Variants in SLC4A8 observed in about 807,000 individuals in gnomAD.
SLC4A8 encodes solute carrier family 4 member 8.
In SLC4A8, 40 loss-of-function variants were observed where a neutral mutation model predicts 125.0. That is an observed-to-expected ratio of 0.32 (90% CI 0.25 to 0.42). SLC4A8 has a LOEUF of 0.42. SLC4A8 is among the 10% of genes least tolerant of loss of function. SLC4A8 has a pLI of 1.00. For synonymous variants in SLC4A8, 456 were observed against 476.0 expected (o/e 0.96, Z 0.55); for missense variants, 863 against 1,355.1 (o/e 0.64, Z 5.70).
At chr12:51,495,170 G>A (rs772243980) in intron 21 of SLC4A8, 52 bp downstream of exon 21, 15 of 1,446,000 alleles carry the variant, frequency 1.0e-5, no homozygotes, top group Admixed American at 1.9e-5. Context: ...ATTTTTTAGT[G>A]GTAAAATATT....
chr12:51,498,510 G>A (rs1053292932), intron 22 of SLC4A8, among the ~76,000 whole-genome samples: 2 of 151,828 alleles, frequency 1.3e-5, no homozygotes, highest in South Asian at 2.1e-4. Context: ...TTTACTTGTC[G>A]AATTGGCAAA....
At chr12:51,491,480 T>C (rs1951315597) in intron 19 of SLC4A8, among the ~76,000 whole-genome samples, 1 of 151,934 alleles carries the variant, frequency 6.6e-6, no homozygotes, top group Admixed American at 6.6e-5. Flanking sequence ...AAAGAGGGAT[T>C]GGGTAGACAC....
At chr12:51,429,401 C>G (rs999383741) in intron 1 of SLC4A8, among the ~76,000 whole-genome samples, 5 of 152,100 alleles carry the variant, frequency 3.3e-5, no homozygotes, top group African/African-American at 1.2e-4. Flanking sequence ...GAAGAGACTG[C>G]AATGAGGGAG....
At chr12:51,495,935 G>A (rs1951449233) in intron 21 of SLC4A8, among the ~76,000 whole-genome samples, 1 of 152,260 alleles carries the variant, frequency 6.6e-6, no homozygotes, top group South Asian at 2.1e-4. Context: ...TGATACTGTT[G>A]TAAATATGGG....
chr12:51,480,625 T>A, intron 16 of SLC4A8: 1 of 985,402 alleles, frequency 1.0e-6, no homozygotes, highest in Non-Finnish European at 1.2e-6. Context: ...TCAAAATTTG[T>A]ATTTTGTTCA....
intron 1 of SLC4A8, among the ~76,000 whole-genome samples, chr12:51,412,061 CA>C (rs1258770079): frequency 1.1e-4 from 17 of 151,640 alleles, no homozygotes; most frequent in Non-Finnish European, 2.2e-4. Flanking sequence ...GATCCTGTCT[CA>C]AAAAAAGAAA....
chr12:51,472,319 C>T (rs73097615), intron 14 of SLC4A8, among the ~76,000 whole-genome samples: 12,834 of 152,288 alleles, frequency 0.084, 775 homozygotes, highest in Middle Eastern at 0.13. Flanking sequence ...CAGTCTGAAA[C>T]TGTCTCAGAA....
At chr12:51,479,919 C>A in intron 16 of SLC4A8, 2 of 380,274 alleles carry the variant, frequency 5.3e-6, no homozygotes, top group Non-Finnish European at 1.0e-5. Flanking sequence ...TTTTTTCTGT[C>A]TCACGAAACA....
At chr12:51,419,563 A>T (rs1288684108) in intron 1 of SLC4A8, among the ~76,000 whole-genome samples, 1 of 152,174 alleles carries the variant, frequency 6.6e-6, no homozygotes, top group Non-Finnish European at 1.5e-5. Context: ...GCTGCTTTCA[A>T]ATTTCTGAAT....
intron 3 of SLC4A8, 24 bp from the exon 4 acceptor site, chr12:51,452,100 C>T (rs1173413307): frequency 2.5e-6 from 4 of 1,613,680 alleles, no homozygotes; most frequent in Non-Finnish European, 3.4e-6. Context: ...TAGAGCAGAC[C>T]TTTCTCTTTG....
At chr12:51,404,327 C>T (rs994038326) in intron 1 of SLC4A8, among the ~76,000 whole-genome samples, 1 of 152,148 alleles carries the variant, frequency 6.6e-6, no homozygotes, top group Non-Finnish European at 1.5e-5. Flanking sequence ...TACAAAGAAC[C>T]TGCTTTTTCC....
chr12:51,499,757 G>C (rs537393140), intron 22 of SLC4A8, among the ~76,000 whole-genome samples: 22 of 152,266 alleles, frequency 1.4e-4, no homozygotes, highest in African/African-American at 5.3e-4. Context: ...AGACATCTGA[G>C]TAGAGACCTG....
At chr12:51,476,067 A>T (rs545135946) in intron 16 of SLC4A8, among the ~76,000 whole-genome samples, 1 of 152,372 alleles carries the variant, frequency 6.6e-6, no homozygotes, top group African/African-American at 2.4e-5. Context: ...TTACCACAGT[A>T]TACCAAGCTA....
intron 1 of SLC4A8, among the ~76,000 whole-genome samples, chr12:51,407,481 C>T (rs1189556798): frequency 6.6e-6 from 1 of 151,456 alleles, no homozygotes; most frequent in Non-Finnish European, 1.5e-5. Flanking sequence ...GTTGCCAAGG[C>T]TGGTCTGAAA....
chr12:51,408,045 T>C (rs7297370), intron 1 of SLC4A8: 140,716 of 152,052 alleles, frequency 0.93, 65,173 homozygotes, highest in Non-Finnish European at 0.95. Context: ...ACATGTCTGC[T>C]TCCCTATAAG....
intron 5 of SLC4A8, among the ~76,000 whole-genome samples, chr12:51,454,037 C>A (rs1485633694): frequency 6.6e-6 from 1 of 152,198 alleles, no homozygotes; most frequent in Non-Finnish European, 1.5e-5. Flanking sequence ...TGGCTCACAC[C>A]TGTAATCCCA....
intron 1 of SLC4A8, among the ~76,000 whole-genome samples, chr12:51,393,875 C>T (rs1164236813): frequency 6.6e-6 from 1 of 152,226 alleles, no homozygotes; most frequent in African/African-American, 2.4e-5. Flanking sequence ...CTGATTCCAC[C>T]TCACTGCCCC....
At chr12:51,437,143 C>T (rs1949447537) in intron 1 of SLC4A8, among the ~76,000 whole-genome samples, 1 of 152,042 alleles carries the variant, frequency 6.6e-6, no homozygotes, top group Admixed American at 6.6e-5. Context: ...TATTTACTTC[C>T]CTAAAAGTTT....
intron 19 of SLC4A8, among the ~76,000 whole-genome samples, chr12:51,493,241 G>A (rs144664328): frequency 2.0e-5 from 3 of 152,056 alleles, no homozygotes; most frequent in African/African-American, 2.4e-5. Flanking sequence ...GATAAGATAC[G>A]TCCCCACTCT....
Sources: gnomAD v4.1 joint callset for allele counts (sites outside exome capture counted in the v4.1 genomes callset) on GRCh38, gnomAD v4.1.1 for gene constraint, MANE v1.5 for transcripts, NCBI Gene and HGNC (gene_info 2026-07-23, HGNC 2026-07-21) for gene names.